Variants in SHPRH observed in about 807,000 individuals in gnomAD.
The protein encoded by SHPRH is SNF2 histone linker PHD RING helicase.
In SHPRH, 106 loss-of-function variants were observed where a neutral mutation model predicts 202.5. That is an observed-to-expected ratio of 0.52 (90% CI 0.45 to 0.62). The LOEUF (loss-of-function observed/expected upper bound fraction) is 0.62, where lower values mean the gene tolerates loss of function less well. SHPRH is among the 20% of genes least tolerant of loss of function. SHPRH has a pLI of 0.00. For synonymous variants in SHPRH, 729 were observed against 686.0 expected, an observed-to-expected ratio of 1.06 and a Z score of -0.98; for missense variants, 1,710 against 2,020.0, an observed-to-expected ratio of 0.85 and a Z score of 2.94.
At chr6:145,923,614 G>A (rs1248090838) in intron 18 of SHPRH, 29 bp downstream of exon 18, 1 of 1,607,112 alleles carries the variant, frequency 6.2e-7, no homozygotes, top group East Asian at 2.2e-5. Context: ...AAAATTATGA[G>A]TAGATACTTT....
chr6:145,945,212 G>A (rs756176418), intron 8 of SHPRH, among the ~76,000 whole-genome samples, 169 bp downstream of exon 8: 7 of 152,002 alleles, frequency 4.6e-5, no homozygotes, highest in Non-Finnish European at 1.0e-4. Flanking sequence ...TTACTCTCAC[G>A]GAGTTTATAT....
intron 10 of SHPRH, 138 bp from the exon 11 acceptor site, chr6:145,940,939 A>G: frequency 1.3e-6 from 1 of 768,808 alleles, no homozygotes; most frequent in Non-Finnish European, 2.2e-6. Context: ...TTTAACAGTT[A>G]TCACACTCAA....
In SHPRH at chr6:145,886,609, G is replaced by A; in HGVS notation, c.*82C>T. ...GGAACAGTGTTACTGTTATCTACTG[G>A]GTTTTTAAAACTTGTAACTTTGCTC... On this transcript the variant is annotated 3_prime_UTR_variant, in exon 30 of 30. Transcript: ENST00000275233. 6.4e-7 allele frequency: 1 copy of A among 1,568,804 alleles called. No homozygotes were observed. The highest frequency in any genetic ancestry group is 8.6e-7 in the Non-Finnish European group (1 of 1,159,052).
intron 3 of SHPRH, among the ~76,000 whole-genome samples, chr6:145,950,882 T>C (rs185068428): frequency 3.9e-4 from 60 of 152,210 alleles, no homozygotes; most frequent in Non-Finnish European, 6.0e-4. Context: ...GTATTGTCTA[T>C]TGTGGATGTT....
At chr6:145,963,388 C>G (rs2128816916) in intron 1 of SHPRH, among the ~76,000 whole-genome samples, 1 of 152,270 alleles carries the variant, frequency 6.6e-6, no homozygotes, top group African/African-American at 2.4e-5. Flanking sequence ...TGGAAGGCAT[C>G]AAACATCTCG....
At chr6:145,902,429 C>G (rs1040285288) in intron 25 of SHPRH, among the ~76,000 whole-genome samples, 2 of 152,094 alleles carry the variant, frequency 1.3e-5, no homozygotes, top group African/African-American at 4.8e-5. Context: ...CTTTGAATTA[C>G]AAGTTGTTAA....
At chr6:145,957,665 T>C (rs551801911) in intron 1 of SHPRH, among the ~76,000 whole-genome samples, 1 of 152,268 alleles carries the variant, frequency 6.6e-6, no homozygotes, top group East Asian at 1.9e-4. Context: ...GATGCCACTA[T>C]TCATATACTA....
intron 2 of SHPRH, among the ~76,000 whole-genome samples, chr6:145,869,774 GTTC>G (rs906315451): frequency 6.3e-5 from 9 of 143,024 alleles, no homozygotes; most frequent in African/African-American, 2.0e-4. Context: ...TTCTGACTTT[GTTC>G]TTCTCCTTCA....
At position 145,941,626 on chromosome 6, in the gene SHPRH, T is replaced by C. The variant is rs765081111; in HGVS notation, c.2487A>G (p.Val829=). 1.3e-5 allele frequency: 21 copies of C among 1,613,540 alleles called. No homozygotes were observed. Among genetic ancestry groups the C allele is most frequent in the Non-Finnish European group, 1.4e-5 (17 of 1,179,644 alleles). The change falls in exon 10 of 30, where the codon GTA becomes GTG. Residue 829 remains valine, a synonymous_variant. Coordinates refer to ENST00000275233, the MANE Select transcript of SHPRH (RefSeq NM_001042683.3). ...DEAQMVECPT[V]KAAEMAQRLS... is the part of the protein sequence containing the mutation. Reference sequence around the variant, plus strand: ...AAGATTTTGCAGAAACTCTCACTTTTACTGTGGGACACTCAACCATCTGAG... The same window carrying C: ...AAGATTTTGCAGAAACTCTCACTTTCACTGTGGGACACTCAACCATCTGAG...
intron 11 of SHPRH, among the ~76,000 whole-genome samples, chr6:145,936,183 T>C (rs988205749): frequency 6.6e-6 from 1 of 152,052 alleles, no homozygotes; most frequent in Non-Finnish European, 1.5e-5. Context: ...TCCATATATT[T>C]ATTTGTGAGG....
At chr6:145,919,104 C>A (rs115626328) in intron 22 of SHPRH, 2 of 393,692 alleles carry the variant, frequency 5.1e-6, no homozygotes, top group Non-Finnish European at 9.0e-6. Flanking sequence ...CAGATGAATG[C>A]GCAACCTGGA....
intron 2 of SHPRH, among the ~76,000 whole-genome samples, chr6:145,873,656 GA>G (rs1284541424): frequency 7.5e-6 from 1 of 133,136 alleles, no homozygotes; most frequent in Non-Finnish European, 1.6e-5. Flanking sequence ...AAGTGTCAAT[GA>G]TGATGTCAGT....
chr6:145,957,380 A>G (rs1386882834), intron 1 of SHPRH, among the ~76,000 whole-genome samples: 1 of 152,146 alleles, frequency 6.6e-6, no homozygotes, highest in African/African-American at 2.4e-5. Context: ...AAAATTAAAT[A>G]TTTTGGTTCT....
At chr6:145,893,164 G>T in intron 28 of SHPRH, 51 bp downstream of exon 28, 1 of 1,445,626 alleles carries the variant, frequency 6.9e-7, no homozygotes, top group Middle Eastern at 1.8e-4. Context: ...TACTGATTTG[G>T]TTTCTCAGAA....
downstream of SHPRH, among the ~76,000 whole-genome samples, chr6:145,882,880 A>G (rs903438863): frequency 6.6e-6 from 1 of 152,190 alleles, no homozygotes; most frequent in African/African-American, 2.4e-5. Context: ...TTTGAGCACA[A>G]ATGTTTGCTC....
downstream of SHPRH, chr6:145,884,132 G>GT (rs1476551545): frequency 6.6e-6 from 1 of 151,964 alleles, no homozygotes; most frequent in African/African-American, 2.4e-5. Flanking sequence ...AAATATTTAG[G>GT]TAAGTAGTTG....
chr6:145,928,993 T>C (rs867706388), intron 14 of SHPRH, among the ~76,000 whole-genome samples: 2 of 151,960 alleles, frequency 1.3e-5, no homozygotes, highest in Non-Finnish European at 2.9e-5. Flanking sequence ...TCAGTATTTA[T>C]ACTACCATTT....
intron 22 of SHPRH, chr6:145,919,008 G>A (rs895946567): frequency 5.8e-6 from 1 of 172,130 alleles, no homozygotes; most frequent in South Asian, 1.9e-4. Context: ...TTCTAGTTCT[G>A]ATAAAACTGA....
At chr6:145,934,349 C>A (rs184226145) in intron 13 of SHPRH, among the ~76,000 whole-genome samples, 1 of 151,750 alleles carries the variant, frequency 6.6e-6, no homozygotes, top group South Asian at 2.1e-4. Context: ...GTCTGTAATC[C>A]CAGGTACTTG....
Sources: allele counts gnomAD v4.1 joint callset (sites outside exome capture counted in the v4.1 genomes callset), GRCh38; gene constraint gnomAD v4.1.1; transcripts MANE v1.5; gene names NCBI Gene and HGNC (gene_info 2026-07-23, HGNC 2026-07-21).